The following BAHCC1 variants were observed in gnomAD, a reference collection of about 807,000 sequenced individuals.
The protein encoded by BAHCC1 is BAH domain and coiled-coil containing 1.
BAHCC1 carries 43 observed loss-of-function variants against 88.2 expected under a neutral mutation model. The observed-to-expected ratio is 0.49, with a 90% CI of 0.38 to 0.63. The LOEUF is 0.63. Among genes scored for constraint, BAHCC1 ranks in the 20% least tolerant of loss-of-function variants. The probability of loss-of-function intolerance (pLI) is 0.00; values close to 1 mark genes in which losing one functional copy is unlikely to be tolerated. For synonymous variants in BAHCC1, 1,510 were observed against 745.5 expected (o/e 2.03, Z -16.71); for missense variants, 3,023 against 1,654.8 (o/e 1.83, Z -14.34).
At chr17:81,403,543 C>G (rs1567992939) in intron 2 of BAHCC1, among the ~76,000 whole-genome samples, 1 of 151,478 alleles carries the variant, frequency 6.6e-6, no homozygotes, top group African/African-American at 2.4e-5. Flanking sequence ...CCCAACTTGG[C>G]AGAGGAAAAA....
Position 81,434,198 on chromosome 17 carries a change from A to G in BAHCC1, c.359-4172A>G, listed in dbSNP as rs1568012100. Among the ~76,000 whole-genome samples the G allele has an allele frequency of 6.6e-6, 1 of 152,142 alleles. No individual in the cohort carries two copies. Among genetic ancestry groups the G allele is most frequent in the Non-Finnish European group, 1.5e-5 (1 of 68,000 alleles). ...TCGCTGGACAGTGGGTATTTGAGACAGTGCCCACAGCCTCCCACGTTCCCC... is the reference window on the plus strand; with the variant it reads ...TCGCTGGACAGTGGGTATTTGAGACGGTGCCCACAGCCTCCCACGTTCCCC... On this transcript the variant is annotated intron_variant, in intron 3 of 27. Transcript: ENST00000675386. This position sits in a 1 kb window ranked among gnomAD's most constrained non-coding sequence, Gnocchi z 4.9.
chr17:81,430,362 G>C (rs1045062492), intron 3 of BAHCC1, among the ~76,000 whole-genome samples: 1 of 152,168 alleles, frequency 6.6e-6, no homozygotes, highest in Non-Finnish European at 1.5e-5. Context: ...GTGCCACCTG[G>C]GGGGAGCCAT....
chr17:81,438,561 TG>T, intron 4 of BAHCC1, 69 bp downstream of exon 4: 1 of 718,942 alleles, frequency 1.4e-6, no homozygotes, highest in Non-Finnish European at 2.6e-6. Context: ...CAGGAGCTTC[TG>T]GGGCACAAGG....
rs781885663 is a variant in BAHCC1 at position 81,461,268 on chromosome 17, C to T, written c.6605C>T (p.Ala2202Val). 7.2e-6 allele frequency: 5 copies of T among 698,584 alleles called. No homozygotes were observed. Among genetic ancestry groups the T allele is most frequent in the Admixed American group, 4.2e-5 (2 of 47,904 alleles). 43.3% of individuals were successfully genotyped at this position (698,584 alleles called of 1,614,324 possible). A position where few individuals can be genotyped will look rare whatever the true frequency, so the allele number is the denominator to read the frequency against. ...VEAEKGGRRRAGGEFLVKLDH... is the reference protein window; with the variant it reads ...VEAEKGGRRRVGGEFLVKLDH... ...GCCGAGAAGGGTGGGCGGCGGCGGG[C>T]GGGCGGTGAGTTCCTGGTCAAGCTG... Residue 2202 changes from alanine (A) to valine (V), a missense_variant, in exon 26 of 28, where the codon GCG (alanine) becomes GTG (valine). By Grantham distance (64) the Ala-to-Val change is moderately conservative (BLOSUM62 0). Transcript: ENST00000675386.
rs1555653194 is a variant in BAHCC1 at position 81,443,165 on chromosome 17, C to T, written c.1816C>T (p.Leu606=). Reference sequence around the variant, plus strand: ...CGAGGAGCGCAAGGCTGGCGCCTACCTGGACCCCTTTGGCAGTGGCCTGCA... The same window carrying T: ...CGAGGAGCGCAAGGCTGGCGCCTACTTGGACCCCTTTGGCAGTGGCCTGCA... ...ISEERKAGAY[L]DPFGSGLQQA... Residue 606 remains leucine (L), a synonymous_variant, in exon 5 of 28, where the codon CTG becomes TTG. Transcript: ENST00000675386. 1 of 778,724 alleles carries T rather than the reference C, an allele frequency of 1.3e-6. No individual in the cohort carries two copies. The highest frequency in any genetic ancestry group is 2.4e-6 in the Non-Finnish European group (1 of 417,554). 48.2% of individuals were successfully genotyped at this position (778,724 alleles called of 1,614,324 possible).
Position 81,463,481 on chromosome 17 carries a change from C to T in BAHCC1, c.7621-130C>T, listed in dbSNP as rs965493324. 44 of 659,182 alleles carry T rather than the reference C, an allele frequency of 6.7e-5. No homozygotes were observed. The Middle Eastern group carries it at 1.6e-3, about 24-fold the overall frequency. 40.8% of individuals were successfully genotyped at this position (659,182 alleles called of 1,614,324 possible). On this transcript the variant is annotated intron_variant, in intron 27 of 27. Transcript: ENST00000675386. ...TGGTCCCTGGCAGGTTCCTCGGCCCCGTCTTCCGGCCACACAGAAGTCCAT... is the reference window on the plus strand; with the variant it reads ...TGGTCCCTGGCAGGTTCCTCGGCCCTGTCTTCCGGCCACACAGAAGTCCAT...
In BAHCC1 at chr17:81,455,369, G is replaced by C; in HGVS notation, c.4548G>C (p.Ala1516=). Residue 1516 remains alanine (A), a synonymous_variant, in exon 15 of 28, where the codon GCG becomes GCC. Coordinates refer to ENST00000675386, the MANE Select transcript of BAHCC1 (RefSeq NM_001377448.1). ...GCAAGCTGGAGAGGAGCGTCTATGC[G>C]GGCCTGCAGACTGCCTCCGTGGTGA... ...KRSKLERSVY[A]GLQTASVEKA... 4 of 716,458 alleles carry C rather than the reference G, an allele frequency of 5.6e-6. No individual in the cohort carries two copies. Among genetic ancestry groups the C allele is most frequent in the Non-Finnish European group, 1.0e-5 (4 of 384,928 alleles). 44.4% of individuals were successfully genotyped at this position (716,458 alleles called of 1,614,324 possible). A position where few individuals can be genotyped will look rare whatever the true frequency, so the allele number is the denominator to read the frequency against.
chr17:81,412,910 G>T (rs1364265492), intron 2 of BAHCC1, among the ~76,000 whole-genome samples: 2 of 152,248 alleles, frequency 1.3e-5, no homozygotes, highest in East Asian at 3.8e-4. Flanking sequence ...TGTCGTGGGT[G>T]TGGGAGTGTT....
At chr17:81,441,040 T>C (rs1233236936) in intron 4 of BAHCC1, among the ~76,000 whole-genome samples, 4 of 152,118 alleles carry the variant, frequency 2.6e-5, no homozygotes, top group Admixed American at 2.6e-4. Context: ...GCAGAGATGC[T>C]CTGTAACACT....
rs1555660257 is a variant in BAHCC1, at chr17:81,464,398, G to A, written c.*581G>A. ...CAACGGGGGCACCTGGGACGACAGA[G>A]GCATCTCGGGGCAGGGGGCAGAGGC... On this transcript the variant is annotated 3_prime_UTR_variant, in exon 28 of 28. Transcript: ENST00000675386. 1 of 160,648 alleles carries A rather than the reference G, an allele frequency of 6.2e-6. No homozygotes were observed. Among genetic ancestry groups the A allele is most frequent in the Non-Finnish European group, 1.4e-5 (1 of 72,332 alleles). The allele number at this position is 160,648 out of a possible 1,614,324, so 10.0% of individuals were successfully genotyped here. A position where few individuals can be genotyped will look rare whatever the true frequency, so the allele number is the denominator to read the frequency against.
chr17:81,423,461 GGGCAGGGGAAT>G (rs2064139092), intron 2 of BAHCC1, among the ~76,000 whole-genome samples: 1 of 152,044 alleles, frequency 6.6e-6, no homozygotes, highest in Non-Finnish European at 1.5e-5. Context: ...CCTGCCTCCC[GGGCAGGGGAAT>G]GGCTGTCCTG....
At chr17:81,427,888 C>T (rs933675439) in intron 3 of BAHCC1, among the ~76,000 whole-genome samples, 8 of 152,220 alleles carry the variant, frequency 5.3e-5, no homozygotes, top group Non-Finnish European at 8.8e-5. Flanking sequence ...CGCCACCGCC[C>T]CGTTCCAGGC....
At chr17:81,401,962 C>T (rs2143184467) in intron 2 of BAHCC1, 1 of 152,498 alleles carries the variant, frequency 6.6e-6, no homozygotes, top group South Asian at 2.1e-4. Flanking sequence ...AGCCCTTTGT[C>T]TTGCTCATTC....
At chr17:81,408,981 G>C (rs2063914707) in intron 2 of BAHCC1, among the ~76,000 whole-genome samples, 1 of 152,234 alleles carries the variant, frequency 6.6e-6, no homozygotes. Context: ...CGCGTGTGTG[G>C]GTGTGAAGAG....
rs75661873 is a variant in BAHCC1, at chr17:81,438,420, G to A, written c.409G>A (p.Val137Met). 4,489 of 778,454 alleles carry A rather than the reference G, an allele frequency of 5.8e-3. 20 individuals carry two copies. Among genetic ancestry groups the A allele is most frequent in the Middle Eastern group, 9.2e-3 (41 of 4,436 alleles). 48.2% of individuals were successfully genotyped at this position (778,454 alleles called of 1,614,324 possible). Residue 137 changes from valine (V) to methionine (M), a missense_variant, in exon 4 of 28, where the codon GTG becomes ATG. Coordinates refer to ENST00000675386, the MANE Select transcript of BAHCC1 (RefSeq NM_001377448.1). ...SGSLASTFLP[V>M]SHLDHHGNSN... ...GAGTCTGGCATCCACCTTCCTACCC[G>A]TGAGCCACTTGGATCACCATGGAAA...
chr17:81,444,498 C>T lies in BAHCC1; in HGVS notation c.2442C>T (p.His814=), dbSNP rs570404430. ...SGQLGGDPAP[H]THPHPPWLPR... is the part of the protein sequence containing the mutation. ...AGCTGGGCGGGGACCCAGCCCCCCA[C>T]ACCCACCCCCATCCCCCCTGGCTGC... is the stretch of plus-strand genomic sequence containing the variant. The change falls in exon 7 of 28, where the codon CAC becomes CAT. Residue 814 remains histidine, a synonymous_variant. Coordinates refer to ENST00000675386, the MANE Select transcript of BAHCC1 (RefSeq NM_001377448.1). The T allele has an allele frequency of 4.0e-5, 28 of 703,888 alleles. No individual in the cohort carries two copies. Among genetic ancestry groups the T allele is most frequent in the South Asian group, 3.8e-4 (25 of 66,460 alleles). 43.6% of individuals were successfully genotyped at this position (703,888 alleles called of 1,614,324 possible).
intron 20 of BAHCC1, 40 bp downstream of exon 20, chr17:81,459,009 G>A (rs782777463): frequency 1.4e-6 from 1 of 724,864 alleles, no homozygotes; most frequent in South Asian, 1.4e-5. Flanking sequence ...CCTGGGGAGG[G>A]GTGGTGGGTA....
At chr17:81,425,778 TGATGATGTGGTTGAG>T (rs2064184070) in intron 2 of BAHCC1, among the ~76,000 whole-genome samples, 1 of 116,416 alleles carries the variant, frequency 8.6e-6, no homozygotes. Context: ...ATGTGGTTGG[TGATGATGTGGTTGAG>T]GGTGATGGTG....
At position 81,452,014 on chromosome 17, in the gene BAHCC1, A is replaced by G; in HGVS notation, c.4223A>G (p.Glu1408Gly). 1 of 638,866 alleles carries G rather than the reference A, an allele frequency of 1.6e-6. No homozygotes were observed. Among genetic ancestry groups the G allele is most frequent in the Non-Finnish European group, 2.8e-6 (1 of 359,626 alleles). 39.6% of individuals were successfully genotyped at this position (638,866 alleles called of 1,614,324 possible). A position where few individuals can be genotyped will look rare whatever the true frequency, so the allele number is the denominator to read the frequency against. Residue 1408 changes from glutamate to glycine, a missense_variant, in exon 13 of 28, where the codon GAG becomes GGG. Physicochemically the swap from Glu to Gly is moderately conservative, Grantham distance 98. Coordinates refer to ENST00000675386, the MANE Select transcript of BAHCC1 (RefSeq NM_001377448.1). ...KAAIDRLDTQ[E>G]VGMRVRLAEL... ...GCCATCGACCGGCTGGACACGCAGGAGGTGGGGATGCGCGTGCGGCTGGCG... is the reference window on the plus strand; with the variant it reads ...GCCATCGACCGGCTGGACACGCAGGGGGTGGGGATGCGCGTGCGGCTGGCG...
Sources: allele counts gnomAD v4.1 joint callset (sites outside exome capture counted in the v4.1 genomes callset), GRCh38; gene constraint gnomAD v4.1.1; non-coding constraint Gnocchi (gnomAD v3.1); transcripts MANE v1.5; gene names NCBI Gene and HGNC (gene_info 2026-07-23, HGNC 2026-07-21).